The following MMP26 variants were observed in gnomAD, a reference collection of about 807,000 sequenced individuals.
MMP26 encodes matrix metalloproteinase-26.
Under a neutral mutation model 31.0 loss-of-function variants are expected in MMP26, and 33 were observed. The ratio of observed to expected loss-of-function variants is 1.06; its 90% confidence interval spans 0.81 to 1.42. MMP26 has a LOEUF of 1.42. Among genes scored for constraint, MMP26 ranks in the 40% most tolerant of loss-of-function variants. The pLI is 0.00. For synonymous variants in MMP26, 122 were observed against 114.9 expected (o/e 1.06, Z -0.40); for missense variants, 347 against 316.1 (o/e 1.10, Z -0.74).
intron 2 of MMP26, chr11:4,769,602 GAA>G: frequency 6.2e-7 from 1 of 1,613,134 alleles, no homozygotes; most frequent in East Asian, 2.2e-5. Flanking sequence ...AATCCATGAA[GAA>G]AAAACATCTG....
intron 2 of MMP26, among the ~76,000 whole-genome samples, chr11:4,834,488 C>T (rs1449319796): frequency 6.6e-6 from 1 of 152,142 alleles, no homozygotes; most frequent in East Asian, 1.9e-4. Flanking sequence ...GGTCCAGGAT[C>T]ACTCCTAAAG....
rs1846161996 is a variant in MMP26, at chr11:4,938,626, T to C, written c.-144-49442T>C. On this transcript the variant is annotated intron_variant, in intron 2 of 7. Coordinates refer to ENST00000380390, the MANE Select transcript of MMP26 (RefSeq NM_021801.5). ...CTTTGACTACATGAAAATACTCATG[T>C]CTTAATCTCATAAAACCAGTTATCT... is the stretch of plus-strand genomic sequence containing the variant. Among the ~76,000 whole-genome samples, 3 of 152,142 alleles carry C rather than the reference T, an allele frequency of 2.0e-5. No individual in the cohort carries two copies. The South Asian group carries it at 6.2e-4, about 31-fold the overall frequency.
At chr11:4,865,463 A>T (rs1347696806) in intron 2 of MMP26, among the ~76,000 whole-genome samples, 2 of 152,156 alleles carry the variant, frequency 1.3e-5, no homozygotes, top group African/African-American at 2.4e-5. Context: ...AAAACTATTT[A>T]AAAAATTAAC....
chr11:4,923,438 A>G (rs757018836), intron 2 of MMP26: 2 of 1,600,402 alleles, frequency 1.2e-6, no homozygotes, highest in East Asian at 2.2e-5. Flanking sequence ...GCGCTGGCGA[A>G]TTTGCTTGGT....
At chr11:4,821,779 A>T (rs774777650) in intron 2 of MMP26, 1 of 1,613,564 alleles carries the variant, frequency 6.2e-7, no homozygotes. Context: ...TCTACTGGCC[A>T]TGGCCTTTGA....
At chr11:4,930,623 G>GT (rs1851333772) in intron 2 of MMP26, among the ~76,000 whole-genome samples, 1 of 151,896 alleles carries the variant, frequency 6.6e-6, no homozygotes, top group Non-Finnish European at 1.5e-5. Context: ...CAAAATAGAC[G>GT]TCTTTAATCA....
intron 2 of MMP26, among the ~76,000 whole-genome samples, chr11:4,881,378 A>T (rs1462223695): frequency 1.3e-5 from 2 of 152,088 alleles, no homozygotes; most frequent in African/African-American, 2.4e-5. Context: ...GCACCCCCAA[A>T]TGCCCTCTGC....
chr11:4,807,439 A>G (rs1206694671), intron 2 of MMP26, among the ~76,000 whole-genome samples: 1 of 152,236 alleles, frequency 6.6e-6, no homozygotes, highest in Non-Finnish European at 1.5e-5. Flanking sequence ...ATGCAGGCAT[A>G]AAAAAGGATG....
At chr11:4,940,379 G>A (rs568776859) in intron 2 of MMP26, among the ~76,000 whole-genome samples, 12 of 152,158 alleles carry the variant, frequency 7.9e-5, no homozygotes, top group Non-Finnish European at 1.5e-4. Context: ...TAATCTCCAC[G>A]ACATCTTATT....
At chr11:4,817,579 T>G (rs1849438587) in intron 2 of MMP26, among the ~76,000 whole-genome samples, 1 of 152,172 alleles carries the variant, frequency 6.6e-6, no homozygotes, top group African/African-American at 2.4e-5. Context: ...AGAGTGAGAC[T>G]GCATCTTAAA....
intron 1 of MMP26, among the ~76,000 whole-genome samples, chr11:4,754,133 T>A (rs2133303420): frequency 6.6e-6 from 1 of 150,978 alleles, no homozygotes; most frequent in East Asian, 1.9e-4. Flanking sequence ...TAAACTAAAG[T>A]TTGAAAGTTT....
chr11:4,749,445 A>G (rs889311592), intron 1 of MMP26, among the ~76,000 whole-genome samples: 2 of 151,852 alleles, frequency 1.3e-5, no homozygotes, highest in Admixed American at 6.6e-5. Context: ...TAAAATTCTT[A>G]TAAAAAAGGA....
chr11:4,746,651 A>G (rs1324786006), intron 1 of MMP26, among the ~76,000 whole-genome samples: 2 of 152,020 alleles, frequency 1.3e-5, no homozygotes, highest in Non-Finnish European at 2.9e-5. Context: ...CGGGCCAACA[A>G]GGTGAAACCC....
chr11:4,741,529 T>G (rs1848311327), intron 1 of MMP26, among the ~76,000 whole-genome samples: 1 of 152,004 alleles, frequency 6.6e-6, no homozygotes, highest in Non-Finnish European at 1.5e-5. Flanking sequence ...GCCATCATCC[T>G]CAGCACACTA....
intron 1 of MMP26, among the ~76,000 whole-genome samples, chr11:4,741,590 T>C (rs11033653): frequency 0.12 from 17,334 of 146,250 alleles, 1,065 homozygotes; most frequent in Non-Finnish European, 0.13. Flanking sequence ...TAAGTGGGAG[T>C]TGAACAATGA....
rs148087459 is a variant in MMP26, at chr11:4,803,671, C to T, written c.-145+36330C>T. Reference sequence around the variant, plus strand: ...GGAACGTGTGCTAAAAGCTTTGAGGCGGGCTTCACCTGAGGGCAACTGAAG... The same window carrying T: ...GGAACGTGTGCTAAAAGCTTTGAGGTGGGCTTCACCTGAGGGCAACTGAAG... On this transcript the variant is annotated intron_variant, in intron 2 of 7. Transcript: ENST00000380390. 430 of 1,613,806 alleles carry T rather than the reference C, an allele frequency of 2.7e-4. 2 individuals are homozygous for T. In the African/African-American group the frequency reaches 4.3e-3, roughly 16 times the overall value.
chr11:4,725,416 C>G (rs1014310503), intron 1 of MMP26, among the ~76,000 whole-genome samples: 4 of 152,080 alleles, frequency 2.6e-5, no homozygotes, highest in African/African-American at 9.7e-5. Context: ...TTTTACATAC[C>G]CTAATGGTGA....
intron 1 of MMP26, chr11:4,723,949 G>A: frequency 2.5e-6 from 2 of 787,984 alleles, no homozygotes; most frequent in East Asian, 2.4e-5. Flanking sequence ...CAGGTTAAGG[G>A]GACTCAGCAG....
intron 2 of MMP26, among the ~76,000 whole-genome samples, chr11:4,891,019 A>AATAATAATAATAATC (rs1554889158): frequency 6.7e-6 from 1 of 148,320 alleles, no homozygotes; most frequent in Non-Finnish European, 1.5e-5. Flanking sequence ...TAATAATAAT[A>AATAATAATAATAATC]ATAATAAAAG....
Sources: gnomAD v4.1 joint callset for allele counts (sites outside exome capture counted in the v4.1 genomes callset) on GRCh38, gnomAD v4.1.1 for gene constraint, MANE v1.5 for transcripts, NCBI Gene and HGNC (gene_info 2026-07-23, HGNC 2026-07-21) for gene names.